ARHGEF17: variants seen among roughly 807,000 people sequenced by gnomAD.
The protein encoded by ARHGEF17 is Rho guanine nucleotide exchange factor 17, also known as 164 kDa Rho-specific guanine-nucleotide exchange factor.
In ARHGEF17, 80 loss-of-function variants were observed where a neutral mutation model predicts 174.0. That is an observed-to-expected ratio of 0.46 (90% CI 0.38 to 0.55). The LOEUF is 0.55. Ranked by LOEUF, ARHGEF17 falls within the 20% of genes least tolerant of loss-of-function variation. The probability of loss-of-function intolerance (pLI) is 0.00; values close to 1 mark genes in which losing one functional copy is unlikely to be tolerated. For missense variants in ARHGEF17, 2,886 were observed against 2,839.7 expected (o/e 1.02, Z -0.37); for synonymous variants, 1,311 against 1,189.1 (o/e 1.10, Z -2.11).
chr11:73,362,308 C>G lies in ARHGEF17; in HGVS notation c.4694+69C>G, dbSNP rs1565209502. The G allele has an allele frequency of 2.1e-6, 3 of 1,451,210 alleles. No individual in the cohort carries two copies. In the East Asian group the frequency reaches 7.5e-5, roughly 36 times the overall value. The allele number at this position is 1,451,210 out of a possible 1,614,324, so 89.9% of individuals were successfully genotyped here. A position where few individuals can be genotyped will look rare whatever the true frequency, so the allele number is the denominator to read the frequency against. On this transcript the variant is annotated intron_variant, in intron 13 of 20. Coordinates refer to ENST00000263674, the MANE Select transcript of ARHGEF17 (RefSeq NM_014786.4). ...GAACCAACCCCTGTCCCAGCACACT[C>G]TCAGGCCGCCCCGGCGTGGTTGTGG... is the stretch of plus-strand genomic sequence containing the variant.
Position 73,308,923 on chromosome 11 carries a change from C to T in ARHGEF17, c.285C>T (p.Asp95=). The T allele has an allele frequency of 7.3e-7, 1 of 1,364,904 alleles. No individual in the cohort carries two copies. Among genetic ancestry groups the T allele is most frequent in the Admixed American group, 3.9e-5 (1 of 25,636 alleles). 84.5% of individuals were successfully genotyped at this position (1,364,904 alleles called of 1,614,324 possible). Reference sequence around the variant, plus strand: ...GGCGCTTCGACGCGCCGCGTCTGGACGACGGCTCCGCTGGGACCCGAGACG... The same window carrying T: ...GGCGCTTCGACGCGCCGCGTCTGGATGACGGCTCCGCTGGGACCCGAGACG... ...LSRRFDAPRL[D]DGSAGTRDGG... The change falls in exon 1 of 21, where the codon GAC becomes GAT. Residue 95 remains aspartate (D), a synonymous_variant. Transcript: ENST00000263674.
chr11:73,363,216 C>G lies in ARHGEF17; in HGVS notation c.5007C>G (p.Thr1669=), dbSNP rs1409597517. ...CTTTGTCTCCCTCAGATGAGGAGAC[C>G]CCGAGTTCCAAGGAGGCCACGGCAG... ...TISSSFGNEE[T]PSSKEATAET... The change falls in exon 15 of 21, where the codon ACC becomes ACG. Residue 1669 remains threonine (T), a synonymous_variant. Transcript: ENST00000263674. The G allele has an allele frequency of 6.4e-7, 1 of 1,567,908 alleles. No homozygotes were observed. The highest frequency in any genetic ancestry group is 1.8e-5 in the Admixed American group (1 of 54,126).
intron 1 of ARHGEF17, among the ~76,000 whole-genome samples, chr11:73,326,868 C>T (rs756468128): frequency 2.0e-5 from 3 of 152,164 alleles, no homozygotes; most frequent in Admixed American, 6.5e-5. Flanking sequence ...CCACATCTCA[C>T]GCCATGTATT....
chr11:73,356,094 A>T, intron 5 of ARHGEF17, 81 bp from the exon 6 acceptor site: 1 of 1,579,498 alleles, frequency 6.3e-7, no homozygotes, highest in Non-Finnish European at 8.6e-7. Flanking sequence ...TTTGGTGTCT[A>T]CCCATAGTCC....
At position 73,309,818 on chromosome 11, in the gene ARHGEF17, T is replaced by G. The variant is rs1480097632; in HGVS notation, c.1180T>G (p.Ser394Ala). The G allele has an allele frequency of 6.8e-6, 11 of 1,613,040 alleles. No individual in the cohort carries two copies. The highest frequency in any genetic ancestry group is 9.3e-6 in the Non-Finnish European group (11 of 1,180,018). ...PAGSRGSSRY[S>A]STETLKDDDL... ...AGGCTCCCGCGGTAGCAGCCGTTAT[T>G]CCAGCACGGAGACCCTCAAGGACGA... The change falls in exon 1 of 21, where the codon TCC (serine) becomes GCC (alanine). Residue 394 changes from serine (S) to alanine (A), a missense_variant. Around this residue, in one of 4 missense-constraint regions of ARHGEF17, gnomAD observed 1,728 missense variants for 1,461.2 expected, o/e 1.18. Transcript: ENST00000263674.
intron 1 of ARHGEF17, among the ~76,000 whole-genome samples, chr11:73,325,004 A>T (rs181950204): frequency 2.0e-5 from 3 of 152,080 alleles, no homozygotes; most frequent in Non-Finnish European, 4.4e-5. Context: ...GCTGGCGGAG[A>T]GAACTCAGCC....
chr11:73,333,000 G>C (rs1179095998), intron 1 of ARHGEF17, among the ~76,000 whole-genome samples: 1 of 152,200 alleles, frequency 6.6e-6, no homozygotes, highest in East Asian at 1.9e-4. Flanking sequence ...GTCAGTGCCG[G>C]CACTGAGATT....
At chr11:73,352,094 A>AG (rs1865563943) in intron 2 of ARHGEF17, among the ~76,000 whole-genome samples, 1 of 151,746 alleles carries the variant, frequency 6.6e-6, no homozygotes, top group African/African-American at 2.4e-5. Flanking sequence ...AGGCCAAGGC[A>AG]GGTGGATCAC....
chr11:73,335,973 C>A (rs540404336), intron 1 of ARHGEF17, among the ~76,000 whole-genome samples: 3 of 152,332 alleles, frequency 2.0e-5, no homozygotes, highest in East Asian at 1.9e-4. Flanking sequence ...TCTTATGGAT[C>A]TTCTGGTTGT....
At position 73,309,341 on chromosome 11, in the gene ARHGEF17, T is replaced by G. The variant is rs773799881; in HGVS notation, c.703T>G (p.Ser235Ala). 6.2e-7 allele frequency: 1 copy of G among 1,610,206 alleles called. No homozygotes were observed. Among genetic ancestry groups the G allele is most frequent in the Non-Finnish European group, 8.5e-7 (1 of 1,179,016 alleles). Residue 235 changes from serine (S) to alanine (A), a missense_variant, in exon 1 of 21, where the codon TCC becomes GCC. Ser to Ala is a moderately conservative substitution (Grantham distance 99). Coordinates refer to ENST00000263674, the MANE Select transcript of ARHGEF17 (RefSeq NM_014786.4). ...AGARASCSSSSIAASYPVSRS... is the reference protein window; with the variant it reads ...AGARASCSSSAIAASYPVSRS... ...GGCCCGGGCCTCCTGCTCCTCCTCCTCCATCGCCGCCTCCTATCCTGTCAG... is the reference window on the plus strand; with the variant it reads ...GGCCCGGGCCTCCTGCTCCTCCTCCGCCATCGCCGCCTCCTATCCTGTCAG...
chr11:73,347,145 C>T (rs1367575818), intron 2 of ARHGEF17, 185 bp downstream of exon 2: 10 of 721,292 alleles, frequency 1.4e-5, no homozygotes, highest in African/African-American at 5.2e-5. Context: ...AGGCTTCTCC[C>T]GGGCAAGAGA....
At chr11:73,337,960 G>A (rs192853414) in intron 1 of ARHGEF17, among the ~76,000 whole-genome samples, 1 of 152,284 alleles carries the variant, frequency 6.6e-6, no homozygotes, top group East Asian at 1.9e-4. Flanking sequence ...AAGATCCTGA[G>A]GCTCTAAGGA....
chr11:73,340,028 T>C (rs563615771), intron 1 of ARHGEF17, among the ~76,000 whole-genome samples: 4 of 152,190 alleles, frequency 2.6e-5, no homozygotes, highest in African/African-American at 7.2e-5. Flanking sequence ...AGAGGAACAA[T>C]AGCAGAACCA....
chr11:73,319,852 G>A (rs986152103), intron 1 of ARHGEF17, among the ~76,000 whole-genome samples: 2 of 152,202 alleles, frequency 1.3e-5, no homozygotes, highest in East Asian at 1.9e-4. Context: ...TGGGGCAGGG[G>A]CAGAAGTGCC....
chr11:73,310,858 G>T lies in ARHGEF17; in HGVS notation c.2220G>T (p.Gln740His). 3 of 1,612,030 alleles carry T rather than the reference G, an allele frequency of 1.9e-6. No individual in the cohort carries two copies. Among genetic ancestry groups the T allele is most frequent in the Non-Finnish European group, 2.5e-6 (3 of 1,179,226 alleles). ...AYRSLSDPIP[Q>H]RHRAATSEEP... ...GGTCCCTGAGTGACCCAATTCCTCA[G>T]CGCCACCGGGCTGCCACCTCTGAAG... is the stretch of plus-strand genomic sequence containing the variant. The change falls in exon 1 of 21, where the codon CAG (glutamine) becomes CAT (histidine). Residue 740 changes from glutamine (Q) to histidine (H), a missense_variant. Gln to His is a conservative substitution (Grantham distance 24). This residue lies in a region of ARHGEF17 where 1,728 missense variants were observed against 1,461.2 expected (regional missense o/e 1.18). Transcript: ENST00000263674.
At position 73,368,155 on chromosome 11, in the gene ARHGEF17, C is replaced by G. The variant is rs1044789803; in HGVS notation, c.*375C>G. On this transcript the variant is annotated 3_prime_UTR_variant, in exon 21 of 21. Transcript: ENST00000263674. ...AGGGCAGCAGGAAGGCTGGGGAATT[C>G]CCCATGTACAGTATTTATGTTTCTT... 2.4e-5 allele frequency: 5 copies of G among 206,200 alleles called. No homozygotes were observed. Among genetic ancestry groups the G allele is most frequent in the Admixed American group, 5.6e-5 (1 of 17,912 alleles). 12.8% of individuals were successfully genotyped at this position (206,200 alleles called of 1,614,324 possible).
chr11:73,342,219 C>T (rs1417197450), intron 1 of ARHGEF17, among the ~76,000 whole-genome samples: 7 of 151,546 alleles, frequency 4.6e-5, no homozygotes, highest in Admixed American at 2.6e-4. Flanking sequence ...AGGGGTGGGG[C>T]GGATGGACAG....
At position 73,309,941 on chromosome 11, in the gene ARHGEF17, C is replaced by T. The variant is rs1488147269; in HGVS notation, c.1303C>T (p.Arg435Cys). ...EGLLRSQART[R>C]AKGPGGTSRA... ...GCTCCTGCGGTCCCAGGCTCGAACC[C>T]GTGCCAAAGGACCTGGAGGCACCTC... The change falls in exon 1 of 21, where the codon CGT becomes TGT. Residue 435 changes from arginine (R) to cysteine (C), a missense_variant. Arg to Cys is a radical substitution (Grantham distance 180). Coordinates refer to ENST00000263674, the MANE Select transcript of ARHGEF17 (RefSeq NM_014786.4). The T allele has an allele frequency of 1.9e-6, 3 of 1,613,616 alleles. No homozygotes were observed. The highest frequency in any genetic ancestry group is 1.7e-5 in the Admixed American group (1 of 60,032).
chr11:73,346,630 G>C (rs1223345999), intron 1 of ARHGEF17, among the ~76,000 whole-genome samples: 1 of 152,168 alleles, frequency 6.6e-6, no homozygotes, highest in Non-Finnish European at 1.5e-5. Context: ...GGGCAGAGGA[G>C]TGAGTGCCTA....
Sources: gnomAD v4.1 joint callset for allele counts (sites outside exome capture counted in the v4.1 genomes callset) on GRCh38, gnomAD v4.1.1 for gene constraint, gnomAD v4.1.1 regional missense constraint, MANE v1.5 for transcripts, NCBI Gene and HGNC (gene_info 2026-07-23, HGNC 2026-07-21) for gene names.